FEZ1: variants seen among roughly 807,000 people sequenced by gnomAD.
FEZ1 encodes the protein fasciculation and elongation protein zeta-1.
Under a neutral mutation model 49.3 loss-of-function variants are expected in FEZ1, and 20 were observed. That is an observed-to-expected ratio of 0.41 (90% CI 0.29 to 0.59). FEZ1 has a LOEUF of 0.59. Ranked by LOEUF, FEZ1 falls within the 20% of genes least tolerant of loss-of-function variation. The pLI, the probability that FEZ1 is intolerant of heterozygous loss-of-function variation, is 0.36. For missense variants in FEZ1, 413 were observed against 476.0 expected, an observed-to-expected ratio of 0.87 and a Z score of 1.23; for synonymous variants, 170 against 180.9, an observed-to-expected ratio of 0.94 and a Z score of 0.48.
chr11:125,474,833 A>G (rs1402745643), intron 3 of FEZ1, among the ~76,000 whole-genome samples: 1 of 152,190 alleles, frequency 6.6e-6, no homozygotes, highest in Non-Finnish European at 1.5e-5. Flanking sequence ...GGTTGCAGTG[A>G]GCTGAGATTG....
rs12288158 is a variant in FEZ1 at position 125,487,434 on chromosome 11, A to C, written c.311+2033T>G. On this transcript the variant is annotated intron_variant, in intron 2 of 9. Transcript: ENST00000278919. ...GCGAGTTAGAGAGAGTACCAAAATT[A>C]GAATTCATAGTCTTTGTATTTCTAG... 4.7e-3 allele frequency among the ~76,000 whole-genome samples: 715 copies of C among 152,346 alleles called. 3 individuals carry two copies. Among genetic ancestry groups the C allele is most frequent in the African/African-American group, 0.016 (676 of 41,588 alleles).
At chr11:125,473,818 C>CAAAAAAAAAA (rs141159400) in intron 3 of FEZ1, among the ~76,000 whole-genome samples, 1 of 102,108 alleles carries the variant, frequency 9.8e-6, no homozygotes, top group Non-Finnish European at 2.0e-5. Context: ...GACTCCATTT[C>CAAAAAAAAAA]AAAAAAAAAA....
chr11:125,480,478 C>T (rs1157263109), intron 3 of FEZ1, among the ~76,000 whole-genome samples: 1 of 152,220 alleles, frequency 6.6e-6, no homozygotes, highest in African/African-American at 2.4e-5. Flanking sequence ...GATCCGTCAG[C>T]ACTTGTTCTC....
chr11:125,446,674 T>A (rs978677909), intron 9 of FEZ1, among the ~76,000 whole-genome samples: 1 of 152,048 alleles, frequency 6.6e-6, no homozygotes, highest in African/African-American at 2.4e-5. Context: ...TTTTGTTTTG[T>A]GGTTTGTTTG....
In FEZ1 at chr11:125,444,657, T is replaced by G. The variant is rs1490146245; in HGVS notation, c.*1438A>C. On this transcript the variant is annotated 3_prime_UTR_variant, in exon 10 of 10. Transcript: ENST00000278919. ...TGCCTTCTGTGTCCCCTAGATGGAT[T>G]CTGTGGCCTTCTGTGGAGCTGCTGA... Among the ~76,000 whole-genome samples the G allele has an allele frequency of 6.6e-6, 1 of 151,954 alleles. No homozygotes were observed. Among genetic ancestry groups the G allele is most frequent in the Non-Finnish European group, 1.5e-5 (1 of 67,994 alleles).
rs77839497 is a variant in FEZ1 at position 125,495,787 on chromosome 11, C to A, written c.-46+334G>T. 5.9e-6 allele frequency: 2 copies of A among 340,582 alleles called. No homozygotes were observed. The highest frequency in any genetic ancestry group is 1.1e-5 in the Non-Finnish European group (2 of 176,794). The allele number at this position is 340,582 out of a possible 1,614,324, so 21.1% of individuals were successfully genotyped here. A position where few individuals can be genotyped will look rare whatever the true frequency, so the allele number is the denominator to read the frequency against. On this transcript the variant is annotated intron_variant, in intron 1 of 9. Transcript: ENST00000278919. This position sits in a 1 kb window ranked among gnomAD's most constrained non-coding sequence, Gnocchi z 4.2. ...CTTCACACGCGCGCACACACGCGGG[C>A]ACACACACGCGGACACACACACACA...
At chr11:125,469,567 A>T (rs895569948) in intron 3 of FEZ1, among the ~76,000 whole-genome samples, 27 of 151,532 alleles carry the variant, frequency 1.8e-4, no homozygotes, top group South Asian at 6.3e-4. Context: ...ATTTTTTTTA[A>T]AATTAATGTT....
chr11:125,449,009 T>C lies in FEZ1; in HGVS notation c.1097-442A>G, dbSNP rs1310053735. Among the ~76,000 whole-genome samples, 4 of 152,144 alleles carry C rather than the reference T, an allele frequency of 2.6e-5. No individual in the cohort carries two copies. The South Asian group carries it at 8.3e-4, about 32-fold the overall frequency. ...AGAACACAGCAAGAGCCACAGTGTTTGTCTCTAGGTAGTGGACCTACTGGT... is the reference window on the plus strand; with the variant it reads ...AGAACACAGCAAGAGCCACAGTGTTCGTCTCTAGGTAGTGGACCTACTGGT... On this transcript the variant is annotated intron_variant, in intron 8 of 9. Transcript: ENST00000278919.
chr11:125,469,890 T>A (rs545943188), intron 3 of FEZ1, among the ~76,000 whole-genome samples: 1 of 152,190 alleles, frequency 6.6e-6, no homozygotes, highest in South Asian at 2.1e-4. Flanking sequence ...TTTTGTTTTT[T>A]TTGTTTTTGT....
rs188000420 is a variant in FEZ1 at position 125,444,488 on chromosome 11, G to A, written c.*1607C>T. The stretch of plus-strand genomic sequence containing the variant: ...TAATCCCAGCTACTCGGGAGGCTGA[G>A]GCAGGAGAATCACTTGAACGTGGGA... On this transcript the variant is annotated 3_prime_UTR_variant, in exon 10 of 10. Transcript: ENST00000278919. Among the ~76,000 whole-genome samples, 5 of 152,272 alleles carry A rather than the reference G, an allele frequency of 3.3e-5. No homozygotes were observed. The East Asian group carries it at 9.7e-4, about 29-fold the overall frequency.
At chr11:125,494,752 G>C (rs1957440555) in intron 1 of FEZ1, among the ~76,000 whole-genome samples, 1 of 152,124 alleles carries the variant, frequency 6.6e-6, no homozygotes, top group South Asian at 2.1e-4. Context: ...ACGCATAAAC[G>C]TCTCCCTGCA....
chr11:125,484,583 A>C (rs1957310759), intron 2 of FEZ1, among the ~76,000 whole-genome samples: 1 of 151,268 alleles, frequency 6.6e-6, no homozygotes, highest in Non-Finnish European at 1.5e-5. Context: ...CAGGAGAATC[A>C]CTTGAACCTG....
At position 125,443,149 on chromosome 11, in the gene FEZ1, A is replaced by G. The variant is rs1456496653; in HGVS notation, c.*2946T>C. On this transcript the variant is annotated 3_prime_UTR_variant, in exon 10 of 10. Transcript: ENST00000278919. ...TATTTGCCAGACAGACCTCTGACCT[A>G]CCTAGGAGGGCTCCCTGCAGACCGT... 6.6e-6 allele frequency among the ~76,000 whole-genome samples: 1 copy of G among 152,124 alleles called. No homozygotes were observed. The highest frequency in any genetic ancestry group is 1.5e-5 in the Non-Finnish European group (1 of 68,018).
intron 3 of FEZ1, among the ~76,000 whole-genome samples, chr11:125,469,929 G>C (rs1957169095): frequency 6.6e-6 from 1 of 151,752 alleles, no homozygotes; most frequent in African/African-American, 2.4e-5. Context: ...AGATGGGGCT[G>C]GTCACAAACT....
chr11:125,478,727 A>C (rs1311713393), intron 3 of FEZ1, among the ~76,000 whole-genome samples: 1 of 152,210 alleles, frequency 6.6e-6, no homozygotes, highest in Non-Finnish European at 1.5e-5. Context: ...AGATAGAAGA[A>C]ATACTACAAG....
intron 9 of FEZ1, among the ~76,000 whole-genome samples, chr11:125,448,156 C>T (rs1956914901): frequency 6.6e-6 from 1 of 152,196 alleles, no homozygotes; most frequent in Non-Finnish European, 1.5e-5. Context: ...ATTATGTCTC[C>T]AGCTTCCTTT....
In FEZ1 at chr11:125,452,358, C is replaced by G. The variant is rs112732577; in HGVS notation, c.1072G>C (p.Glu358Gln). The part of the protein sequence containing the change: ...YEKKASPPSV[E>Q]DLQMLTNILF... ...CTGTTTGTCAGCATCTGCAGGTCTT[C>G]CACTGAGGGAGGAGAGGCTTTCTTC... The change falls in exon 8 of 10, where the codon GAA (glutamate) becomes CAA (glutamine). Residue 358 changes from glutamate (E) to glutamine (Q), a missense_variant. Physicochemically the swap from Glu to Gln is conservative, Grantham distance 29 (BLOSUM62 2). Transcript: ENST00000278919. The G allele has an allele frequency of 0.015, 23,703 of 1,612,482 alleles. 223 individuals carry two copies. Among genetic ancestry groups the G allele is most frequent in the Non-Finnish European group, 0.018 (20,770 of 1,178,470 alleles).
chr11:125,451,761 C>T (rs543656047), intron 8 of FEZ1, among the ~76,000 whole-genome samples: 17 of 152,340 alleles, frequency 1.1e-4, no homozygotes, highest in Admixed American at 1.0e-3. Flanking sequence ...TTGTTACACA[C>T]TGTTTTCCCT....
At chr11:125,457,459 T>G (rs556987115) in intron 5 of FEZ1, among the ~76,000 whole-genome samples, 1 of 77,092 alleles carries the variant, frequency 1.3e-5, no homozygotes, top group Non-Finnish European at 2.6e-5. Context: ...TATGTATATA[T>G]ACACATATAT....
Sources: allele counts gnomAD v4.1 joint callset (sites outside exome capture counted in the v4.1 genomes callset), GRCh38; gene constraint gnomAD v4.1.1; non-coding constraint Gnocchi (gnomAD v3.1); transcripts MANE v1.5; gene names NCBI Gene and HGNC (gene_info 2026-07-23, HGNC 2026-07-21).